Variants in SRPK2 observed in about 807,000 individuals in gnomAD.
SRPK2 encodes the protein SRSF protein kinase 2.
A neutral mutation model predicts 90.8 loss-of-function variants in SRPK2; 21 were observed. The observed-to-expected ratio is 0.23, with a 90% CI of 0.16 to 0.33. SRPK2 has a LOEUF of 0.33. Ranked by LOEUF, SRPK2 falls within the 10% of genes least tolerant of loss-of-function variation. The probability of loss-of-function intolerance (pLI) is 1.00; values close to 1 mark genes in which losing one functional copy is unlikely to be tolerated. For synonymous variants in SRPK2, 288 were observed against 311.1 expected, an observed-to-expected ratio of 0.93 and a Z score of 0.78; for missense variants, 620 against 869.0, an observed-to-expected ratio of 0.71 and a Z score of 3.60.
At chr7:105,153,839 G>A (rs1317717652) in intron 7 of SRPK2, among the ~76,000 whole-genome samples, 3 of 152,118 alleles carry the variant, frequency 2.0e-5, no homozygotes, top group East Asian at 3.9e-4. Flanking sequence ...TCTTCATTGA[G>A]AATATTAATT....
intron 2 of SRPK2, chr7:105,302,199 A>G (rs1227208145): frequency 2.5e-6 from 2 of 789,282 alleles, no homozygotes; most frequent in African/African-American, 1.7e-5. Flanking sequence ...TAATTTTTGT[A>G]TGTTTCTTAC....
chr7:105,385,340 C>CGGGCTAATTTTGTTTTTGTATTT (rs1210642287), intron 2 of SRPK2, among the ~76,000 whole-genome samples: 1 of 151,086 alleles, frequency 6.6e-6, no homozygotes, highest in Non-Finnish European at 1.5e-5. Flanking sequence ...GCCACCATGC[C>CGGGCTAATTTTGTTTTTGTATTT]GGGCTAATTT....
chr7:105,159,624 T>C (rs1228158452), intron 7 of SRPK2, among the ~76,000 whole-genome samples: 1 of 152,110 alleles, frequency 6.6e-6, no homozygotes, highest in Non-Finnish European at 1.5e-5. Context: ...ACTGATTCCA[T>C]GCAGAACACT....
chr7:105,390,172 T>G (rs549577026), upstream of SRPK2, among the ~76,000 whole-genome samples: 5 of 152,288 alleles, frequency 3.3e-5, no homozygotes, highest in African/African-American at 1.2e-4. Context: ...CTACTAAGAA[T>G]AAAGATAATC....
chr7:105,150,757 T>G (rs573935470), intron 7 of SRPK2, among the ~76,000 whole-genome samples: 1 of 152,192 alleles, frequency 6.6e-6, no homozygotes, highest in Admixed American at 6.5e-5. Flanking sequence ...GATAGGCACA[T>G]TGATGATGTC....
At chr7:105,138,087 G>A (rs1803149813) in intron 11 of SRPK2, among the ~76,000 whole-genome samples, 1 of 152,184 alleles carries the variant, frequency 6.6e-6, no homozygotes, top group African/African-American at 2.4e-5. Context: ...TGATGCAACA[G>A]GTATTGGGGA....
rs140800839 is a variant in SRPK2 at position 105,331,616 on chromosome 7, T to A, written c.71+57032A>T. On this transcript the variant is annotated intron_variant, in intron 2 of 15. Coordinates refer to ENST00000393651, the MANE Select transcript of SRPK2 (RefSeq NM_182692.3). ...ACTACTTTTTAAATACATACGACAT[T>A]TCACACACTGTGCTTAGGCCCTGAT... Among the ~76,000 whole-genome samples, 346 of 152,248 alleles carry A rather than the reference T, an allele frequency of 2.3e-3. 1 individual carries two copies. The highest frequency in any genetic ancestry group is 8.0e-3 in the African/African-American group (333 of 41,532).
chr7:105,302,002 T>A, intron 2 of SRPK2: 1 of 1,597,710 alleles, frequency 6.3e-7, no homozygotes, highest in Admixed American at 1.7e-5. Context: ...ACAAAACAGA[T>A]CACAAAGGAG....
intron 2 of SRPK2, among the ~76,000 whole-genome samples, chr7:105,354,243 A>C (rs1817538420): frequency 6.6e-6 from 1 of 152,182 alleles, no homozygotes; most frequent in African/African-American, 2.4e-5. Context: ...TCCTCCATTC[A>C]TTCTTCTCTG....
upstream of SRPK2, chr7:105,389,476 C>T: frequency 1.8e-6 from 2 of 1,110,982 alleles, 1 homozygote; most frequent in South Asian, 3.3e-5. Context: ...GTCATTTTCT[C>T]TCCCACCTCT....
intron 2 of SRPK2, among the ~76,000 whole-genome samples, chr7:105,382,848 C>T (rs965457054): frequency 4.6e-5 from 7 of 152,046 alleles, no homozygotes; most frequent in Admixed American, 3.3e-4. Context: ...TTTGTTAGAA[C>T]TACACAGAGA....
chr7:105,350,798 C>T (rs892005405), intron 2 of SRPK2, among the ~76,000 whole-genome samples: 5 of 152,228 alleles, frequency 3.3e-5, no homozygotes, highest in Non-Finnish European at 7.4e-5. Flanking sequence ...TATAATTAAT[C>T]CCATTTTACA....
intron 1 of SRPK2, among the ~76,000 whole-genome samples, chr7:105,394,506 C>T (rs74785110): frequency 0.029 from 4,387 of 152,238 alleles, 239 homozygotes; most frequent in African/African-American, 0.1. Flanking sequence ...AATTTCTGCA[C>T]GACCTTTGGC....
chr7:105,137,729 A>G (rs1264663964), intron 11 of SRPK2, among the ~76,000 whole-genome samples: 2 of 152,186 alleles, frequency 1.3e-5, no homozygotes, highest in Non-Finnish European at 2.9e-5. Flanking sequence ...TACCTTCTTT[A>G]GCCTGGCATT....
At chr7:105,284,249 T>C (rs150731556) in intron 2 of SRPK2, among the ~76,000 whole-genome samples, 93 of 152,298 alleles carry the variant, frequency 6.1e-4, no homozygotes, top group African/African-American at 2.0e-3. Flanking sequence ...GGCTTGGTTA[T>C]AAAGGTCAGA....
chr7:105,168,745 A>ATGTGTGTGTGTGTGTGTG (rs58073613), intron 4 of SRPK2, among the ~76,000 whole-genome samples: 6,986 of 103,962 alleles, frequency 0.067, 592 homozygotes, highest in South Asian at 0.085. Context: ...CACGCACCAA[A>ATGTGTGTGTGTGTGTGTG]TGTGTGTGTG....
chr7:105,367,295 C>G (rs1333402300), intron 2 of SRPK2, among the ~76,000 whole-genome samples: 1 of 152,072 alleles, frequency 6.6e-6, no homozygotes, highest in East Asian at 1.9e-4. Flanking sequence ...CAGGTTCCGG[C>G]TCTGTCACCC....
chr7:105,172,691 G>A (rs1043343694), intron 3 of SRPK2, among the ~76,000 whole-genome samples: 1 of 152,156 alleles, frequency 6.6e-6, no homozygotes, highest in Admixed American at 6.5e-5. Flanking sequence ...AACTAGGTAT[G>A]ACTCCAAAAC....
chr7:105,152,429 C>T (rs1476716883), intron 7 of SRPK2, among the ~76,000 whole-genome samples: 1 of 152,154 alleles, frequency 6.6e-6, no homozygotes, highest in Non-Finnish European at 1.5e-5. Context: ...GGATTACAGG[C>T]GTGAGCCACC....
Sources: gnomAD v4.1 joint callset for allele counts (sites outside exome capture counted in the v4.1 genomes callset) on GRCh38, gnomAD v4.1.1 for gene constraint, MANE v1.5 for transcripts, NCBI Gene and HGNC (gene_info 2026-07-23, HGNC 2026-07-21) for gene names.